DDX10: variants seen among roughly 807,000 people sequenced by gnomAD.
The protein encoded by DDX10 is DEAD-box helicase 10, also known as probable ATP-dependent RNA helicase DDX10.
DDX10 carries 74 observed loss-of-function variants against 104.3 expected under a neutral mutation model. That is an observed-to-expected ratio of 0.71 (90% confidence interval 0.59 to 0.86). The LOEUF (loss-of-function observed/expected upper bound fraction) is 0.86. DDX10 is among the 40% of genes least tolerant of loss of function. The pLI is 0.00. For missense variants in DDX10, 952 were observed against 1,040.0 expected (o/e 0.92, Z 1.16); for synonymous variants, 351 against 353.4 (o/e 0.99, Z 0.08).
chr11:108,711,821 A>C (rs1057336195), intron 10 of DDX10, among the ~76,000 whole-genome samples: 51 of 152,316 alleles, frequency 3.3e-4, no homozygotes, highest in African/African-American at 1.1e-3. Flanking sequence ...TGTTGTGTCC[A>C]GTTGATTGAT....
chr11:108,891,548 T>C (rs1863376453), intron 16 of DDX10, among the ~76,000 whole-genome samples: 1 of 152,172 alleles, frequency 6.6e-6, no homozygotes, highest in Non-Finnish European at 1.5e-5. Flanking sequence ...ACTTAGCCAA[T>C]ATGCAAAGAA....
rs5794604 is a variant in DDX10, at chr11:108,800,275, C to CA, written c.1966-38151dup. ...TGAAACCCTGTCTTTACTAAAAATA[C>CA]AAAAAAAAAAAAAAAAAAAATTAGC... is the stretch of plus-strand genomic sequence containing the variant. On this transcript the variant is annotated intron_variant, in intron 13 of 17. Coordinates refer to ENST00000322536, the MANE Select transcript of DDX10 (RefSeq NM_004398.4). Among the ~76,000 whole-genome samples, 568 of 106,206 alleles carry CA rather than the reference C, an allele frequency of 5.3e-3. 5 individuals are homozygous for CA. Among genetic ancestry groups the CA allele is most frequent in the African/African-American group, 0.018 (480 of 27,318 alleles). 69.7% of individuals were successfully genotyped at this position (106,206 alleles called of 152,430 possible).
chr11:108,940,649 G>T lies in DDX10; in HGVS notation c.*226G>T. ...GTGGATGATACCATTTCCTGACCCC[G>T]TTTTCCAGCATGTGTTCTGTTAGAT... On this transcript the variant is annotated 3_prime_UTR_variant, in exon 18 of 18. Transcript: ENST00000322536. The T allele has an allele frequency of 2.6e-6, 1 of 385,182 alleles. No individual in the cohort carries two copies. The highest frequency in any genetic ancestry group is 6.1e-5 in the South Asian group (1 of 16,468). The allele number at this position is 385,182 out of a possible 1,614,324, so 23.9% of individuals were successfully genotyped here.
intron 14 of DDX10, 86 bp downstream of exon 14, chr11:108,838,651 A>T: frequency 7.0e-7 from 1 of 1,420,772 alleles, no homozygotes; most frequent in East Asian, 2.4e-5. Flanking sequence ...CTCATTAATG[A>T]TAGAGTAAAT....
chr11:108,704,306 T>G (rs2094272669), intron 9 of DDX10, among the ~76,000 whole-genome samples: 1 of 152,214 alleles, frequency 6.6e-6, no homozygotes, highest in Non-Finnish European at 1.5e-5. Context: ...TCTATGAACT[T>G]GAATATAGAG....
At chr11:108,785,553 T>C (rs1270450420) in intron 13 of DDX10, among the ~76,000 whole-genome samples, 1 of 152,200 alleles carries the variant, frequency 6.6e-6, no homozygotes, top group African/African-American at 2.4e-5. Context: ...CTGATAGAAT[T>C]CGGGTGTGAA....
At chr11:108,670,080 A>G (rs2094215088) in intron 1 of DDX10, among the ~76,000 whole-genome samples, 2 of 152,256 alleles carry the variant, frequency 1.3e-5, no homozygotes, top group South Asian at 4.1e-4. Flanking sequence ...AAATTTATAC[A>G]GAGGCCATGC....
chr11:108,678,236 C>T (rs2094228760), intron 4 of DDX10, 79 bp from the exon 5 acceptor site: 2 of 1,413,148 alleles, frequency 1.4e-6, no homozygotes, highest in Admixed American at 2.3e-5. Flanking sequence ...AATGCCCATG[C>T]AGATGGCTTT....
In DDX10 at chr11:108,692,007, C is replaced by T. The variant is rs988660359; in HGVS notation, c.1107C>T (p.Leu369=). 8 of 1,612,468 alleles carry T rather than the reference C, an allele frequency of 5.0e-6. No individual in the cohort carries two copies. The highest frequency in any genetic ancestry group is 1.3e-5 in the African/African-American group (1 of 74,852). Residue 369 remains leucine (L), a synonymous_variant, in exon 8 of 18, where the codon CTC becomes CTT. Transcript: ENST00000322536. ...NEFVRKRAAV[L]FATDIAARGL... Reference sequence around the variant, plus strand: ...TTGTCCGTAAGAGAGCTGCAGTACTCTTTGCTACTGATATTGCAGCCAGGG... The same window carrying T: ...TTGTCCGTAAGAGAGCTGCAGTACTTTTTGCTACTGATATTGCAGCCAGGG...
At position 108,715,986 on chromosome 11, in the gene DDX10, G is replaced by A. The variant is rs2094290829; in HGVS notation, c.1410+20G>A. 7.8e-7 allele frequency: 1 copy of A among 1,288,928 alleles called. No individual in the cohort carries two copies. The highest frequency in any genetic ancestry group is 1.1e-6 in the Non-Finnish European group (1 of 892,388). 79.8% of individuals were successfully genotyped at this position (1,288,928 alleles called of 1,614,324 possible). On this transcript the variant is annotated intron_variant, in intron 11 of 17. Transcript: ENST00000322536. ...CAAAGGGTAAGTCATTTTTCAGTTGGATACTTTCATTGACTGGAAAAACAG... is the reference window on the plus strand; with the variant it reads ...CAAAGGGTAAGTCATTTTTCAGTTGAATACTTTCATTGACTGGAAAAACAG...
intron 16 of DDX10, among the ~76,000 whole-genome samples, chr11:108,904,078 G>A (rs1211096592): frequency 6.6e-6 from 1 of 151,842 alleles, no homozygotes; most frequent in African/African-American, 2.4e-5. Flanking sequence ...ATAATATTGG[G>A]AAGTGGAAGG....
intron 9 of DDX10, among the ~76,000 whole-genome samples, chr11:108,696,826 C>G (rs539901248): frequency 6.6e-6 from 1 of 152,182 alleles, no homozygotes; most frequent in East Asian, 1.9e-4. Flanking sequence ...ACAGGGCAGA[C>G]TGATTCATAA....
chr11:108,842,892 G>A (rs1427892840), intron 15 of DDX10, among the ~76,000 whole-genome samples: 1 of 152,132 alleles, frequency 6.6e-6, no homozygotes, highest in Non-Finnish European at 1.5e-5. Flanking sequence ...AAATATGAAG[G>A]ATTTACATAA....
chr11:108,694,361 C>T (rs531672880), intron 9 of DDX10, among the ~76,000 whole-genome samples: 1 of 152,260 alleles, frequency 6.6e-6, no homozygotes, highest in East Asian at 1.9e-4. Context: ...TGAACCCAGG[C>T]AGTCTGGCTT....
intron 16 of DDX10, among the ~76,000 whole-genome samples, chr11:108,854,606 C>T (rs1025921206): frequency 5.3e-5 from 8 of 152,284 alleles, no homozygotes; most frequent in African/African-American, 1.9e-4. Flanking sequence ...TTTAAGCAAT[C>T]ACTGCATAGA....
chr11:108,675,455 C>G (rs2094223221), intron 2 of DDX10, 141 bp from the exon 3 acceptor site: 3 of 861,378 alleles, frequency 3.5e-6, no homozygotes, highest in African/African-American at 3.4e-5. Flanking sequence ...TTTAAAGGCC[C>G]TGTCTCCAAG....
Position 108,706,848 on chromosome 11 carries a change from CTTG to C in DDX10, c.1322+16_1322+18del, listed in dbSNP as rs1427948656. The stretch of plus-strand genomic sequence containing the variant: ...TGTGAAGGAAATCAAGTAAGAGCTA[CTTG>C]TTGTCTTTATGTTTTTAGGAAAATG... On this transcript the variant is annotated intron_variant, in intron 10 of 17. Coordinates refer to ENST00000322536, the MANE Select transcript of DDX10 (RefSeq NM_004398.4). 3.7e-6 allele frequency: 6 copies of C among 1,605,406 alleles called. No homozygotes were observed. The highest frequency in any genetic ancestry group is 5.1e-6 in the Non-Finnish European group (6 of 1,172,418).
At chr11:108,832,157 ATGAAT>A (rs1334675819) in intron 13 of DDX10, among the ~76,000 whole-genome samples, 6 of 152,084 alleles carry the variant, frequency 3.9e-5, no homozygotes, top group African/African-American at 1.4e-4. Flanking sequence ...TTTTTTGTTA[ATGAAT>A]TGAAGTATAA....
At chr11:108,792,615 AT>A (rs1207112407) in intron 13 of DDX10, among the ~76,000 whole-genome samples, 2 of 151,960 alleles carry the variant, frequency 1.3e-5, no homozygotes, top group African/African-American at 4.8e-5. Flanking sequence ...TATTCCTTTG[AT>A]TATCTGTCCT....
Sources: allele counts gnomAD v4.1 joint callset (sites outside exome capture counted in the v4.1 genomes callset), GRCh38; gene constraint gnomAD v4.1.1; transcripts MANE v1.5; gene names NCBI Gene and HGNC (gene_info 2026-07-23, HGNC 2026-07-21).